The following ARPC2 variants were observed in gnomAD, a reference collection of about 807,000 sequenced individuals.
The protein encoded by ARPC2 is actin related protein 2/3 complex subunit 2, also known as actin-related protein 2/3 complex subunit 2.
Under a neutral mutation model 38.6 loss-of-function variants are expected in ARPC2, and 4 were observed. That is an observed-to-expected ratio of 0.10 (90% CI 0.05 to 0.24). The LOEUF (loss-of-function observed/expected upper bound fraction) is 0.24. Ranked by LOEUF, ARPC2 falls within the 10% of genes least tolerant of loss-of-function variation. The pLI is 1.00. For synonymous variants in ARPC2, 125 were observed against 140.8 expected (o/e 0.89, Z 0.79); for missense variants, 229 against 387.3 (o/e 0.59, Z 3.43).
chr2:218,240,893 C>A (rs1260261273), intron 7 of ARPC2, among the ~76,000 whole-genome samples: 3 of 150,212 alleles, frequency 2.0e-5, no homozygotes, highest in Non-Finnish European at 3.0e-5. Flanking sequence ...AACTCCGACT[C>A]AAAAAAAAAG....
intron 5 of ARPC2, 67 bp from the exon 6 acceptor site, chr2:218,238,597 T>C (rs1689831930): frequency 1.1e-6 from 1 of 908,788 alleles, no homozygotes; most frequent in East Asian, 2.9e-5. Context: ...CTGCTTTTTT[T>C]TTTTTTTTTT....
chr2:218,217,584 G>C lies in ARPC2; in HGVS notation c.74+40G>C, dbSNP rs755699552. The C allele has an allele frequency of 1.9e-6, 3 of 1,571,548 alleles. No homozygotes were observed. The East Asian group carries it at 6.9e-5, about 36-fold the overall frequency. On this transcript the variant is annotated intron_variant, in intron 2 of 10. Transcript: ENST00000315717. ...GGGGCCGGGGGTGGCGGGGGAAGCA[G>C]AGTTGACCCCAGCTAATCCCCAATG... is the stretch of plus-strand genomic sequence containing the variant.
At chr2:218,225,577 G>C (rs1689477120) in intron 2 of ARPC2, among the ~76,000 whole-genome samples, 1 of 152,208 alleles carries the variant, frequency 6.6e-6, no homozygotes, top group African/African-American at 2.4e-5. Flanking sequence ...CTGTGGGGAA[G>C]GCATTGACCA....
chr2:218,225,237 A>G (rs1689470141), intron 2 of ARPC2, among the ~76,000 whole-genome samples: 1 of 152,240 alleles, frequency 6.6e-6, no homozygotes, highest in Non-Finnish European at 1.5e-5. Flanking sequence ...CTAAAGTTGT[A>G]AAGCAGATGT....
chr2:218,227,018 AACCACCCTTTCT>A (rs1689514122), intron 3 of ARPC2: 1 of 456,568 alleles, frequency 2.2e-6, no homozygotes, highest in African/African-American at 2.0e-5. Context: ...AGAGGAATAC[AACCACCCTTTCT>A]ACAACAAGAG....
chr2:218,253,081 C>T (rs186172159), intron 10 of ARPC2: 3 of 434,364 alleles, frequency 6.9e-6, no homozygotes, highest in Admixed American at 2.5e-5. Flanking sequence ...CAGGAACCCT[C>T]GATGGGCCGC....
At chr2:218,236,422 TATTAAATAA>T (rs1689770282) in intron 5 of ARPC2, 1 of 152,058 alleles carries the variant, frequency 6.6e-6, no homozygotes, top group Non-Finnish European at 1.5e-5. Flanking sequence ...GCCTCTCCAG[TATTAAATAA>T]AATGTGCTAA....
rs763215689 is a variant in ARPC2, at chr2:218,239,522, C to A, written c.549+38C>A. The A allele has an allele frequency of 2.4e-5, 35 of 1,487,610 alleles. No homozygotes were observed. The South Asian group carries it at 3.6e-4, about 15-fold the overall frequency. The allele number at this position is 1,487,610 out of a possible 1,614,324, so 92.2% of individuals were successfully genotyped here. On this transcript the variant is annotated intron_variant, in intron 7 of 10. Coordinates refer to ENST00000315717, the MANE Select transcript of ARPC2 (RefSeq NM_152862.3). ...CATCTTGGGGGAAACCCATGCATGG[C>A]GACTTATACCTTTGCACCCAAACAT... is the stretch of plus-strand genomic sequence containing the variant.
At chr2:218,234,833 C>T (rs1382415126) in intron 5 of ARPC2, 3 of 457,584 alleles carry the variant, frequency 6.6e-6, no homozygotes, top group South Asian at 4.6e-5. Context: ...AAAAATCAGA[C>T]CCTTTCTTAA....
chr2:218,232,503 A>G (rs1373854061), intron 4 of ARPC2, among the ~76,000 whole-genome samples: 1 of 150,898 alleles, frequency 6.6e-6, no homozygotes, highest in East Asian at 1.9e-4. Context: ...CTTTCCCGTC[A>G]TCCTGTAGCA....
intron 9 of ARPC2, 163 bp from the exon 10 acceptor site, chr2:218,249,658 T>A (rs1297560309): frequency 1.3e-6 from 1 of 775,936 alleles, no homozygotes; most frequent in Admixed American, 2.9e-5. Context: ...CAGAGATGAA[T>A]ATTTGTTTCC....
intron 2 of ARPC2, among the ~76,000 whole-genome samples, chr2:218,219,048 C>G (rs2106141130): frequency 6.6e-6 from 1 of 152,310 alleles, no homozygotes; most frequent in East Asian, 1.9e-4. Flanking sequence ...GAATTAACTT[C>G]TGCATTTTCA....
At chr2:218,220,108 G>A (rs530395948) in intron 2 of ARPC2, among the ~76,000 whole-genome samples, 63 of 152,276 alleles carry the variant, frequency 4.1e-4, no homozygotes, top group Non-Finnish European at 8.4e-4. Context: ...AAGTTAGGGA[G>A]GTGCTAAGGG....
intron 8 of ARPC2, among the ~76,000 whole-genome samples, chr2:218,248,727 G>A (rs1690107130): frequency 6.6e-6 from 1 of 152,226 alleles, no homozygotes; most frequent in Non-Finnish European, 1.5e-5. Flanking sequence ...CTCCCAAAGT[G>A]CTGGGATTAC....
intron 5 of ARPC2, chr2:218,235,136 G>C: frequency 3.4e-6 from 1 of 296,928 alleles, no homozygotes; most frequent in Non-Finnish European, 6.6e-6. Context: ...GAAGTTCTCT[G>C]TCACTCTTAA....
At chr2:218,217,311 C>T (rs1689269266) in intron 1 of ARPC2, 57 bp downstream of exon 1, 2 of 664,710 alleles carry the variant, frequency 3.0e-6, no homozygotes. Context: ...GCGCGTTCGT[C>T]TTACCCTTCC....
Position 218,237,018 on chromosome 2 carries a change from G to C in ARPC2, c.269-1646G>C, listed in dbSNP as rs985434479. 2.0e-5 allele frequency among the ~76,000 whole-genome samples: 3 copies of C among 152,216 alleles called. 1 individual carries two copies. The highest frequency in any genetic ancestry group is 2.4e-5 in the African/African-American group (1 of 41,528). ...TTTGATTCTATAATCAAGTGTTCCA[G>C]CCGGCTTCTGGGAATTCATAGTGGA... On this transcript the variant is annotated intron_variant, in intron 5 of 10. Coordinates refer to ENST00000315717, the MANE Select transcript of ARPC2 (RefSeq NM_152862.3).
At chr2:218,232,404 T>G (rs917611206) in intron 4 of ARPC2, among the ~76,000 whole-genome samples, 9 of 152,082 alleles carry the variant, frequency 5.9e-5, no homozygotes, top group Admixed American at 4.6e-4. Context: ...ACTGAATAAT[T>G]TATGAAGAAA....
At chr2:218,242,222 C>A (rs1689932601) in intron 7 of ARPC2, among the ~76,000 whole-genome samples, 1 of 152,196 alleles carries the variant, frequency 6.6e-6, no homozygotes, top group South Asian at 2.1e-4. Flanking sequence ...ATGGGCATAT[C>A]AGCTGAGTAC....
Sources: gnomAD v4.1 joint callset for allele counts (sites outside exome capture counted in the v4.1 genomes callset) on GRCh38, gnomAD v4.1.1 for gene constraint, MANE v1.5 for transcripts, NCBI Gene and HGNC (gene_info 2026-07-23, HGNC 2026-07-21) for gene names.